The following MTUS1 variants were observed in gnomAD, a reference collection of about 807,000 sequenced individuals.
MTUS1 encodes microtubule-associated tumor suppressor 1.
A neutral mutation model predicts 120.8 loss-of-function variants in MTUS1; 109 were observed. That is an observed-to-expected ratio of 0.90 (90% confidence interval 0.77 to 1.06). MTUS1 has a LOEUF of 1.06. Ranked by LOEUF, MTUS1 falls within the 50% of genes least tolerant of loss-of-function variation. The pLI is 0.00. For synonymous variants in MTUS1, 737 were observed against 550.5 expected (o/e 1.34, Z -4.74); for missense variants, 2,210 against 1,486.3 (o/e 1.49, Z -8.01).
intron 8 of MTUS1, among the ~76,000 whole-genome samples, chr8:17,664,459 C>A (rs1051187797): frequency 4.0e-5 from 6 of 151,758 alleles, no homozygotes; most frequent in African/African-American, 1.5e-4. Context: ...TCCCCCACCC[C>A]ACCCCGAAAT....
intron 1 of MTUS1, chr8:17,800,468 C>T (rs2052592444): frequency 2.0e-5 from 3 of 152,184 alleles, no homozygotes; most frequent in East Asian, 1.9e-4. Context: ...CCTTCCTAGT[C>T]CCAAATTACT....
At chr8:17,698,036 G>C (rs367979673) in intron 6 of MTUS1, among the ~76,000 whole-genome samples, 3 of 151,900 alleles carry the variant, frequency 2.0e-5, no homozygotes, top group African/African-American at 7.2e-5. Context: ...CAATATTTAA[G>C]AAAATTTCTA....
chr8:17,788,787 G>T (rs1446910307), intron 1 of MTUS1, among the ~76,000 whole-genome samples: 1 of 152,152 alleles, frequency 6.6e-6, no homozygotes. Context: ...TATTGTAGAT[G>T]ATTTTCAAAA....
chr8:17,745,499 A>G (rs1457245684), intron 2 of MTUS1, among the ~76,000 whole-genome samples: 2 of 152,194 alleles, frequency 1.3e-5, no homozygotes, highest in African/African-American at 4.8e-5. Flanking sequence ...CAATCCACAG[A>G]TGTGGAGCCC....
intron 8 of MTUS1, among the ~76,000 whole-genome samples, chr8:17,665,737 G>A (rs1810759881): frequency 6.6e-6 from 1 of 152,204 alleles, no homozygotes; most frequent in South Asian, 2.1e-4. Context: ...CCCAGCCTGA[G>A]ATGTAGAAGA....
chr8:17,677,792 T>G (rs1399325847), intron 7 of MTUS1, among the ~76,000 whole-genome samples: 1 of 152,214 alleles, frequency 6.6e-6, no homozygotes, highest in Non-Finnish European at 1.5e-5. Flanking sequence ...AAAAGTCAGT[T>G]GGTTCTTCCC....
At chr8:17,653,794 T>C (rs11786854) in intron 10 of MTUS1, 149,101 of 269,810 alleles carry the variant, frequency 0.55, 43,498 homozygotes, top group Middle Eastern at 0.72. Flanking sequence ...GGGCAGGCTC[T>C]CATAAATGCC....
chr8:17,676,970 T>G (rs1333703834), intron 7 of MTUS1, among the ~76,000 whole-genome samples: 2 of 152,190 alleles, frequency 1.3e-5, no homozygotes, highest in East Asian at 1.9e-4. Flanking sequence ...CAGTAAGAGC[T>G]ACGGAAGTCA....
At chr8:17,684,941 T>C (rs1048120029) in intron 6 of MTUS1, among the ~76,000 whole-genome samples, 1 of 152,194 alleles carries the variant, frequency 6.6e-6, no homozygotes, top group African/African-American at 2.4e-5. Context: ...CACAAATCAC[T>C]GGACTTTAAA....
At chr8:17,761,896 C>T (rs1336836594) in intron 1 of MTUS1, among the ~76,000 whole-genome samples, 1 of 152,174 alleles carries the variant, frequency 6.6e-6, no homozygotes, top group African/African-American at 2.4e-5. Flanking sequence ...AGCTTTAAAA[C>T]CCAAAATATT....
intron 3 of MTUS1, among the ~76,000 whole-genome samples, chr8:17,739,176 AAAC>A (rs1174166937): frequency 2.0e-5 from 3 of 151,964 alleles, no homozygotes; most frequent in African/African-American, 7.3e-5. Context: ...ACAAACAAAA[AAAC>A]AAATTAGACT....
chr8:17,712,877 T>C (rs1358470283), intron 6 of MTUS1, among the ~76,000 whole-genome samples: 1 of 151,888 alleles, frequency 6.6e-6, no homozygotes, highest in Non-Finnish European at 1.5e-5. Flanking sequence ...TAAAACCAAA[T>C]ATTGAGACCA....
intron 6 of MTUS1, chr8:17,697,624 C>T: frequency 8.0e-7 from 1 of 1,247,770 alleles, no homozygotes; most frequent in Non-Finnish European, 1.0e-6. Context: ...TGAATACAAT[C>T]TCCCTCCTGC....
At chr8:17,762,501 C>T (rs1486162434) in intron 1 of MTUS1, among the ~76,000 whole-genome samples, 1 of 152,114 alleles carries the variant, frequency 6.6e-6, no homozygotes, top group African/African-American at 2.4e-5. Flanking sequence ...TTAATAGCCA[C>T]CTCAAGCACT....
At chr8:17,732,937 T>G (rs2046687754) in intron 3 of MTUS1, among the ~76,000 whole-genome samples, 1 of 152,084 alleles carries the variant, frequency 6.6e-6, no homozygotes, top group Non-Finnish European at 1.5e-5. Flanking sequence ...CGCAAGCTGA[T>G]CTCCCTGTTC....
chr8:17,791,237 G>T (rs781762034), intron 1 of MTUS1, among the ~76,000 whole-genome samples: 7 of 152,132 alleles, frequency 4.6e-5, no homozygotes, highest in African/African-American at 1.7e-4. Context: ...CTGCCCAACC[G>T]CAGGGCTGAT....
At chr8:17,651,743 G>A (rs1225050332) in intron 12 of MTUS1, 3 of 152,150 alleles carry the variant, frequency 2.0e-5, no homozygotes, top group African/African-American at 7.2e-5. Flanking sequence ...CGTGACAGAA[G>A]CGGTTGGATG....
At chr8:17,726,960 G>T (rs2046266060) in intron 3 of MTUS1, among the ~76,000 whole-genome samples, 1 of 152,108 alleles carries the variant, frequency 6.6e-6, no homozygotes, top group Admixed American at 6.6e-5. Context: ...CACAACTTAG[G>T]TTTGCAGACA....
chr8:17,769,881 TACACACACACAC>T (rs56287929), intron 1 of MTUS1, among the ~76,000 whole-genome samples: 13,832 of 99,314 alleles, frequency 0.14, 1,034 homozygotes, highest in African/African-American at 0.18. Flanking sequence ...ACTCTTTGCT[TACACACACACAC>T]ACACACACAC....
Sources: allele counts gnomAD v4.1 joint callset (sites outside exome capture counted in the v4.1 genomes callset), GRCh38; gene constraint gnomAD v4.1.1; transcripts MANE v1.5; gene names NCBI Gene and HGNC (gene_info 2026-07-23, HGNC 2026-07-21).